Variants in SHROOM3 observed in about 807,000 individuals in gnomAD.
SHROOM3 encodes the protein protein Shroom3.
SHROOM3 carries 47 observed loss-of-function variants against 138.6 expected under a neutral mutation model. The ratio of observed to expected loss-of-function variants is 0.34; its 90% confidence interval spans 0.27 to 0.43. SHROOM3 has a LOEUF of 0.43. Among genes scored for constraint, SHROOM3 ranks in the 20% least tolerant of loss-of-function variants. The pLI is 1.00. For synonymous variants in SHROOM3, 1,062 were observed against 1,063.3 expected (o/e 1.00, Z 0.02); for missense variants, 2,491 against 2,596.5 (o/e 0.96, Z 0.88).
At chr4:76,672,822 C>T (rs1279966846) in intron 2 of SHROOM3, among the ~76,000 whole-genome samples, 2 of 152,184 alleles carry the variant, frequency 1.3e-5, no homozygotes, top group African/African-American at 4.8e-5. Flanking sequence ...CCGCCTGCCT[C>T]GGCCTCCCAA....
intron 10 of SHROOM3, among the ~76,000 whole-genome samples, chr4:76,771,818 T>G (rs1722369311): frequency 6.6e-6 from 1 of 152,134 alleles, no homozygotes; most frequent in Non-Finnish European, 1.5e-5. Context: ...TGAACAGAAT[T>G]CCAGAGCTAT....
chr4:76,586,504 C>T (rs762501134), intron 2 of SHROOM3: 38 of 976,406 alleles, frequency 3.9e-5, no homozygotes, highest in Non-Finnish European at 4.5e-5. Context: ...TTCTCGATGA[C>T]ATTATTTCTC....
chr4:76,441,883 C>T (rs1415863109), intron 1 of SHROOM3, among the ~76,000 whole-genome samples: 1 of 152,152 alleles, frequency 6.6e-6, no homozygotes, highest in Non-Finnish European at 1.5e-5. Flanking sequence ...CCACCACACC[C>T]AGTTAATTTT....
Position 76,675,047 on chromosome 4 carries a change from T to C in SHROOM3, c.324-35109T>C, listed in dbSNP as rs547767935. Among the ~76,000 whole-genome samples, 4 of 152,302 alleles carry C rather than the reference T, an allele frequency of 2.6e-5. No homozygotes were observed. The East Asian group carries it at 7.7e-4, about 29-fold the overall frequency. On this transcript the variant is annotated intron_variant, in intron 2 of 10. Transcript: ENST00000296043. Reference sequence around the variant, plus strand: ...ATAAGAAAACGAGGGATATAAATAATGGGCTTAGACAGTTTCCTCTGGGTA... The same window carrying C: ...ATAAGAAAACGAGGGATATAAATAACGGGCTTAGACAGTTTCCTCTGGGTA...
At chr4:76,495,345 AG>A (rs1731942536) in intron 1 of SHROOM3, among the ~76,000 whole-genome samples, 1 of 152,216 alleles carries the variant, frequency 6.6e-6, no homozygotes, top group Admixed American at 6.5e-5. Context: ...AAAAAAAATG[AG>A]GTTACATACC....
chr4:76,535,825 C>T (rs985652212), intron 1 of SHROOM3, among the ~76,000 whole-genome samples: 3 of 152,194 alleles, frequency 2.0e-5, no homozygotes, highest in African/African-American at 7.2e-5. Flanking sequence ...TCCTACAGCA[C>T]AGTTTTGAGT....
chr4:76,714,100 C>T (rs1361834812), intron 3 of SHROOM3, among the ~76,000 whole-genome samples: 4 of 152,184 alleles, frequency 2.6e-5, no homozygotes, highest in African/African-American at 9.7e-5. Context: ...TGTCACCCAG[C>T]TTTCTCTAAT....
At chr4:76,511,095 T>G (rs1732325848) in intron 1 of SHROOM3, among the ~76,000 whole-genome samples, 1 of 151,898 alleles carries the variant, frequency 6.6e-6, no homozygotes, top group Admixed American at 6.6e-5. Context: ...GGCAGGAGAA[T>G]CGCTTGAACC....
intron 2 of SHROOM3, 98 bp from the exon 3 acceptor site, chr4:76,710,058 G>A: frequency 6.5e-7 from 1 of 1,534,556 alleles, no homozygotes; most frequent in South Asian, 1.1e-5. Context: ...CTGGCTCCGG[G>A]GTTCGTTTTC....
intron 2 of SHROOM3, among the ~76,000 whole-genome samples, chr4:76,699,891 G>A (rs189354117): frequency 3.9e-5 from 6 of 152,214 alleles, no homozygotes; most frequent in Admixed American, 6.5e-5. Flanking sequence ...TGTGGCTTCA[G>A]CTGAGGGTCT....
chr4:76,473,499 C>G (rs1275550165), intron 1 of SHROOM3, among the ~76,000 whole-genome samples: 1 of 151,936 alleles, frequency 6.6e-6, no homozygotes, highest in East Asian at 1.9e-4. Flanking sequence ...GTCCTAACTA[C>G]TCTGGAAGCT....
intron 2 of SHROOM3, among the ~76,000 whole-genome samples, chr4:76,614,626 G>T (rs1443252750): frequency 6.6e-5 from 10 of 152,114 alleles, no homozygotes; most frequent in Non-Finnish European, 1.5e-5. Flanking sequence ...TTGTCCTAAT[G>T]CTCTCCCTCC....
At chr4:76,553,689 C>T (rs1046043910) in intron 1 of SHROOM3, among the ~76,000 whole-genome samples, 2 of 152,108 alleles carry the variant, frequency 1.3e-5, no homozygotes, top group African/African-American at 4.8e-5. Flanking sequence ...CAGGGTTTCA[C>T]CACATTGCGC....
chr4:76,483,728 G>A (rs538834814), intron 1 of SHROOM3, among the ~76,000 whole-genome samples: 128 of 152,198 alleles, frequency 8.4e-4, no homozygotes, highest in African/African-American at 3.0e-3. Flanking sequence ...CAATAGCAAA[G>A]ACTTGGAACT....
rs540808724 is a variant in SHROOM3 at position 76,690,275 on chromosome 4, G to T, written c.324-19881G>T. 7.9e-5 allele frequency among the ~76,000 whole-genome samples: 12 copies of T among 152,308 alleles called. No homozygotes were observed. The South Asian group carries it at 2.5e-3, about 32-fold the overall frequency. On this transcript the variant is annotated intron_variant, in intron 2 of 10. Coordinates refer to ENST00000296043, the MANE Select transcript of SHROOM3 (RefSeq NM_020859.4). ...CAGAGGAATAAAACTTTTGCTGGTG[G>T]GGGAGGGGAGTGGTTACAAAATTTC...
intron 1 of SHROOM3, among the ~76,000 whole-genome samples, chr4:76,486,374 TA>T (rs1227967976): frequency 6.6e-6 from 1 of 152,228 alleles, no homozygotes; most frequent in African/African-American, 2.4e-5. Flanking sequence ...ATCTCTTTCA[TA>T]AATATTTGAA....
At position 76,664,389 on chromosome 4, in the gene SHROOM3, ATTC is replaced by A. The variant is rs1477656245; in HGVS notation, c.324-45761_324-45759del. ...TAATGCAGGCAGTTGTTAATTGATC[ATTC>A]TTCTTGAGTTTATGCAGCCAGAATC... On this transcript the variant is annotated intron_variant, in intron 2 of 10. Transcript: ENST00000296043. The surrounding 1 kb of genome is among the most constrained non-coding windows in gnomAD (Gnocchi z 4.2). Among the ~76,000 whole-genome samples the A allele has an allele frequency of 2.0e-5, 3 of 152,240 alleles. No individual in the cohort carries two copies. The highest frequency in any genetic ancestry group is 6.5e-5 in the Admixed American group (1 of 15,284).
At chr4:76,712,559 C>G (rs1464353540) in intron 3 of SHROOM3, among the ~76,000 whole-genome samples, 2 of 152,114 alleles carry the variant, frequency 1.3e-5, no homozygotes, top group Non-Finnish European at 2.9e-5. Flanking sequence ...TGGGATTGTC[C>G]TCATCAGTGT....
At chr4:76,530,482 C>T (rs533027277) in intron 1 of SHROOM3, among the ~76,000 whole-genome samples, 2 of 152,248 alleles carry the variant, frequency 1.3e-5, no homozygotes, top group South Asian at 2.1e-4. Context: ...CAGTGCTTAA[C>T]CGAGAGTAAT....
Sources: gnomAD v4.1 joint callset for allele counts (sites outside exome capture counted in the v4.1 genomes callset) on GRCh38, gnomAD v4.1.1 for gene constraint, Gnocchi (gnomAD v3.1) non-coding constraint, MANE v1.5 for transcripts, NCBI Gene and HGNC (gene_info 2026-07-23, HGNC 2026-07-21) for gene names.